The following PRR11 variants were observed in gnomAD, a reference collection of about 807,000 sequenced individuals.
PRR11 encodes the protein proline-rich protein 11.
PRR11 carries 30 observed loss-of-function variants against 45.6 expected under a neutral mutation model. The observed-to-expected ratio is 0.66, with a 90% CI of 0.49 to 0.89. The LOEUF (loss-of-function observed/expected upper bound fraction) is 0.89. Among genes scored for constraint, PRR11 ranks in the 40% least tolerant of loss-of-function variants. The probability of loss-of-function intolerance (pLI) is 0.00; values close to 1 mark genes in which losing one functional copy is unlikely to be tolerated. For missense variants in PRR11, 373 were observed against 424.8 expected (o/e 0.88, Z 1.07); for synonymous variants, 128 against 153.5 (o/e 0.83, Z 1.23).
chr17:59,166,336 T>C (rs1173373953), intron 1 of PRR11, among the ~76,000 whole-genome samples: 1 of 152,222 alleles, frequency 6.6e-6, no homozygotes, highest in African/African-American at 2.4e-5. Context: ...AATAACAACA[T>C]CTTTGTTCCT....
intron 2 of PRR11, among the ~76,000 whole-genome samples, chr17:59,171,277 T>G (rs1198686007): frequency 6.7e-6 from 1 of 150,248 alleles, no homozygotes; most frequent in Admixed American, 6.6e-5. Flanking sequence ...AAAAAAAAAG[T>G]AACATACAAA....
chr17:59,198,789 A>G (rs538909129), intron 9 of PRR11, among the ~76,000 whole-genome samples: 12 of 152,204 alleles, frequency 7.9e-5, no homozygotes, highest in African/African-American at 2.9e-4. Context: ...GTGAGCCAAG[A>G]CTGCACCACT....
chr17:59,186,026 C>T (rs2046812208), intron 4 of PRR11, among the ~76,000 whole-genome samples: 1 of 152,168 alleles, frequency 6.6e-6, no homozygotes, highest in African/African-American at 2.4e-5. Flanking sequence ...GGGAGCCATC[C>T]ATAAAACTTA....
intron 2 of PRR11, among the ~76,000 whole-genome samples, chr17:59,182,026 G>GT (rs58846857): frequency 4.2e-4 from 58 of 138,708 alleles, no homozygotes; most frequent in South Asian, 1.8e-3. Flanking sequence ...TTTGTTATTG[G>GT]TTTTTTTTTT....
intron 1 of PRR11, among the ~76,000 whole-genome samples, chr17:59,157,676 C>T (rs897668024): frequency 1.6e-4 from 24 of 151,388 alleles, no homozygotes; most frequent in African/African-American, 5.1e-4. Flanking sequence ...CACTCCAGCC[C>T]GGGTGACAGA....
chr17:59,160,403 T>C (rs894941354), intron 1 of PRR11, among the ~76,000 whole-genome samples: 1 of 152,158 alleles, frequency 6.6e-6, no homozygotes, highest in Non-Finnish European at 1.5e-5. Context: ...CGGTTTTGGT[T>C]TGGGGGTTTT....
chr17:59,158,029 A>G (rs916900559), intron 1 of PRR11, among the ~76,000 whole-genome samples: 2 of 152,222 alleles, frequency 1.3e-5, no homozygotes, highest in Non-Finnish European at 2.9e-5. Context: ...AAGGAATTTA[A>G]TTTTGTGAGT....
intron 2 of PRR11, among the ~76,000 whole-genome samples, chr17:59,180,519 G>GTTTTTTTTGTTTTTTTTTT (rs1555716465): frequency 8.1e-6 from 1 of 122,928 alleles, no homozygotes; most frequent in Admixed American, 8.1e-5. Context: ...TGTTTTTTTT[G>GTTTTTTTTGTTTTTTTTTT]TTTTTTTTGC....
intron 2 of PRR11, among the ~76,000 whole-genome samples, chr17:59,173,227 A>G (rs553670772): frequency 8.5e-5 from 13 of 152,178 alleles, no homozygotes; most frequent in Non-Finnish European, 1.3e-4. Flanking sequence ...AAATGGACCA[A>G]TCAGCTCTCT....
intron 7 of PRR11, among the ~76,000 whole-genome samples, chr17:59,196,699 G>A (rs1406634589): frequency 6.6e-6 from 1 of 151,744 alleles, no homozygotes; most frequent in Non-Finnish European, 1.5e-5. Context: ...TTTAATTTCT[G>A]TAAGTCTTCA....
intron 2 of PRR11, among the ~76,000 whole-genome samples, chr17:59,176,515 G>C (rs1041384846): frequency 6.6e-6 from 1 of 152,002 alleles, no homozygotes; most frequent in African/African-American, 2.4e-5. Flanking sequence ...GATGGCGTTT[G>C]CAGTTGATAT....
intron 4 of PRR11, among the ~76,000 whole-genome samples, chr17:59,185,889 A>C (rs2046811650): frequency 1.3e-5 from 2 of 152,176 alleles, no homozygotes; most frequent in Admixed American, 6.5e-5. Flanking sequence ...AATCCTGACT[A>C]AAGTTTGGTC....
chr17:59,184,362 G>A (rs970662954), intron 2 of PRR11, among the ~76,000 whole-genome samples: 9 of 152,044 alleles, frequency 5.9e-5, no homozygotes, highest in South Asian at 2.1e-4. Flanking sequence ...ACTCAGGAGC[G>A]GGGACTGGAG....
intron 2 of PRR11, among the ~76,000 whole-genome samples, 190 bp downstream of exon 2, chr17:59,170,070 T>G (rs1042509471): frequency 6.6e-6 from 1 of 152,106 alleles, no homozygotes; most frequent in African/African-American, 2.4e-5. Context: ...CTGGCCAATG[T>G]GGCAAAACCC....
chr17:59,172,576 G>A (rs939753965), intron 2 of PRR11, among the ~76,000 whole-genome samples: 1 of 152,266 alleles, frequency 6.6e-6, no homozygotes, highest in African/African-American at 2.4e-5. Flanking sequence ...ATGCCAGCTT[G>A]AGTTCTGGGT....
rs1163363163 is a variant in PRR11, at chr17:59,205,721, T to TA, written c.*4092dup. Among the ~76,000 whole-genome samples, 4 of 150,054 alleles carry TA rather than the reference T, an allele frequency of 2.7e-5. No individual in the cohort carries two copies. Among genetic ancestry groups the TA allele is most frequent in the African/African-American group, 9.8e-5 (4 of 40,862 alleles). ...TCAAAAAAAAAAAAAAAGTATATGT[T>TA]AAGTATAGAAAAATATATAAATTAA... On this transcript the variant is annotated 3_prime_UTR_variant, in exon 10 of 10. Transcript: ENST00000262293.
chr17:59,185,829 T>C (rs935250569), intron 4 of PRR11, among the ~76,000 whole-genome samples: 2 of 152,202 alleles, frequency 1.3e-5, no homozygotes, highest in African/African-American at 2.4e-5. Context: ...TACCAATGCT[T>C]GCTTAAGCCC....
chr17:59,172,443 C>A (rs949774344), intron 2 of PRR11, among the ~76,000 whole-genome samples: 2 of 152,266 alleles, frequency 1.3e-5, no homozygotes, highest in Admixed American at 1.3e-4. Flanking sequence ...AGCCCTTCAG[C>A]CCGCCGCTGC....
chr17:59,172,237 G>C lies in PRR11; in HGVS notation c.128+2357G>C, dbSNP rs544760549. 9.8e-5 allele frequency among the ~76,000 whole-genome samples: 15 copies of C among 152,324 alleles called. No homozygotes were observed. In the South Asian group the frequency reaches 2.9e-3, roughly 29 times the overall value. The stretch of plus-strand genomic sequence containing the variant: ...AGTCCATAGGAAAGAGGACCTCCAG[G>C]TTCCGCCCCAGGGAGGTTGGAATTC... On this transcript the variant is annotated intron_variant, in intron 2 of 9. Transcript: ENST00000262293.
Sources: gnomAD v4.1 joint callset for allele counts (sites outside exome capture counted in the v4.1 genomes callset) on GRCh38, gnomAD v4.1.1 for gene constraint, MANE v1.5 for transcripts, NCBI Gene and HGNC (gene_info 2026-07-23, HGNC 2026-07-21) for gene names.